MYH9: variants seen among roughly 807,000 people sequenced by gnomAD.
The protein encoded by MYH9 is myosin-9.
In MYH9, 29 loss-of-function variants were observed where a neutral mutation model predicts 241.9. The observed-to-expected ratio is 0.12, with a 90% CI of 0.09 to 0.16. MYH9 has a LOEUF of 0.16. MYH9 is among the 10% of genes least tolerant of loss of function. The pLI is 1.00. For missense variants in MYH9, 1,803 were observed against 2,595.5 expected (o/e 0.69, Z 6.63); for synonymous variants, 1,047 against 1,062.6 (o/e 0.99, Z 0.29).
intron 1 of MYH9, among the ~76,000 whole-genome samples, chr22:36,380,053 C>A (rs1426312459): frequency 2.0e-5 from 3 of 152,214 alleles, no homozygotes; most frequent in Non-Finnish European, 4.4e-5. Flanking sequence ...GGCCGCCCGC[C>A]CATGCAGTGG....
intron 2 of MYH9, among the ~76,000 whole-genome samples, chr22:36,348,508 CA>C (rs11367901): frequency 0.86 from 114,647 of 132,960 alleles, 51,203 homozygotes; most frequent in East Asian, 1. Flanking sequence ...GACTCCGTCT[CA>C]AAAAAAAAAA....
At chr22:36,301,760 A>G (rs892422083) in intron 20 of MYH9, 95 bp from the exon 21 acceptor site, 153 of 1,534,446 alleles carry the variant, frequency 1.0e-4, no homozygotes, top group Non-Finnish European at 1.3e-4. Context: ...TGGAAACATG[A>G]AAGTGAGGGG....
At chr22:36,313,357 C>G (rs1394027596) in intron 13 of MYH9, among the ~76,000 whole-genome samples, 1 of 145,782 alleles carries the variant, frequency 6.9e-6, no homozygotes, top group Non-Finnish European at 1.5e-5. Flanking sequence ...GAGGCTGAGG[C>G]AGGAGAATGG....
At position 36,294,205 on chromosome 22, in the gene MYH9, C is replaced by T. The variant is rs1406322860; in HGVS notation, c.3724G>A (p.Asp1242Asn). 1 of 1,613,938 alleles carries T rather than the reference C, an allele frequency of 6.2e-7. No individual in the cohort carries two copies. The highest frequency in any genetic ancestry group is 2.2e-5 in the East Asian group (1 of 44,888). The change falls in exon 28 of 41, where the codon GAC (aspartate) becomes AAC (asparagine). Residue 1242 changes from aspartate (D) to asparagine (N), a missense_variant. Asp to Asn is a conservative substitution (Grantham distance 23). Coordinates refer to ENST00000216181, the MANE Select transcript of MYH9 (RefSeq NM_002473.6). The part of the protein sequence containing the change: ...EVKVLLQGKG[D>N]SEHKRKKVEA... ...ACTTTCTTGCGCTTGTGCTCCGAGT[C>T]CCCTTTGCCCTGCAGCAGCACCTTC...
Position 36,330,793 on chromosome 22 carries a change from C to T in MYH9, c.491-3305G>A, listed in dbSNP as rs1014657455. Among the ~76,000 whole-genome samples the T allele has an allele frequency of 3.3e-5, 5 of 151,990 alleles. No individual in the cohort carries two copies. The highest frequency in any genetic ancestry group is 2.1e-4 in the South Asian group (1 of 4,826). ...TAAGGACTGAAGGCTTATTTGAAAA[C>T]GCCCTTCCTTCCTCTAAACGGGAGG... On this transcript the variant is annotated intron_variant, in intron 3 of 40. Coordinates refer to ENST00000216181, the MANE Select transcript of MYH9 (RefSeq NM_002473.6). This position sits in a 1 kb window ranked among gnomAD's most constrained non-coding sequence, Gnocchi z 4.5.
rs112996252 is a variant in MYH9 at position 36,308,431 on chromosome 22, AT to A, written c.1843+850del. 2.2e-3 allele frequency among the ~76,000 whole-genome samples: 317 copies of A among 143,234 alleles called. 1 individual carries two copies. Among genetic ancestry groups the A allele is most frequent in the South Asian group, 2.5e-3 (11 of 4,478 alleles). 94.0% of individuals were successfully genotyped at this position (143,234 alleles called of 152,430 possible). ...AGGCATGCACCATCACACCCAGCTG[AT>A]TTTTTTTTTTTTAATTTTTTTGTAG... On this transcript the variant is annotated intron_variant, in intron 15 of 40. Transcript: ENST00000216181.
chr22:36,341,568 G>T, intron 2 of MYH9, 42 bp from the exon 3 acceptor site: 1 of 1,606,832 alleles, frequency 6.2e-7, no homozygotes. Flanking sequence ...TAGGAAGTTT[G>T]ATTCTCAGTA....
In MYH9 at chr22:36,331,861, A is replaced by T. The variant is rs578008161; in HGVS notation, c.491-4373T>A. Among the ~76,000 whole-genome samples, 218 of 152,354 alleles carry T rather than the reference A, an allele frequency of 1.4e-3. 1 individual carries two copies. Among genetic ancestry groups the T allele is most frequent in the African/African-American group, 5.1e-3 (211 of 41,582 alleles). Reference sequence around the variant, plus strand: ...GGGCCAAGAAAGAAAAACAGGAAAAAGGGCAGTTTCAGGTTGGACAACATG... The same window carrying T: ...GGGCCAAGAAAGAAAAACAGGAAAATGGGCAGTTTCAGGTTGGACAACATG... On this transcript the variant is annotated intron_variant, in intron 3 of 40. Transcript: ENST00000216181.
intron 30 of MYH9, among the ~76,000 whole-genome samples, chr22:36,292,522 G>A (rs777022685): frequency 1.3e-5 from 2 of 152,206 alleles, no homozygotes; most frequent in Non-Finnish European, 2.9e-5. Context: ...TTGCTCTACG[G>A]AGACTGCTCC....
intron 10 of MYH9, among the ~76,000 whole-genome samples, chr22:36,318,815 G>A (rs2017202489): frequency 6.6e-6 from 1 of 152,034 alleles, no homozygotes; most frequent in South Asian, 2.1e-4. Context: ...CCAGGCTGGA[G>A]TGCAGTGGCG....
intron 1 of MYH9, among the ~76,000 whole-genome samples, chr22:36,359,442 C>T (rs2017902586): frequency 6.6e-6 from 1 of 152,174 alleles, no homozygotes; most frequent in South Asian, 2.1e-4. Context: ...AAGTTGAAAC[C>T]ACACACGCGT....
chr22:36,288,897 C>T lies in MYH9; in HGVS notation c.4600G>A (p.Val1534Met), dbSNP rs11549909. ...EKSKRALEQQ[V>M]EEMKTQLEEL... The stretch of plus-strand genomic sequence containing the variant: ...TCCAGCTGCGTCTTCATCTCCTCCA[C>T]CTGCTGCTCTAGGGCCCGCTTGGAC... Residue 1534 changes from valine to methionine, a missense_variant, in exon 33 of 41, where the codon GTG becomes ATG. By Grantham distance (21) the Val-to-Met change is conservative (BLOSUM62 1). This residue lies in a region of MYH9 where 876 missense variants were observed against 1,077.8 expected (regional missense o/e 0.81). Coordinates refer to ENST00000216181, the MANE Select transcript of MYH9 (RefSeq NM_002473.6). This position sits in a 1 kb window ranked among gnomAD's most constrained non-coding sequence, Gnocchi z 4.8. 19 of 1,614,154 alleles carry T rather than the reference C, an allele frequency of 1.2e-5. No homozygotes were observed. The highest frequency in any genetic ancestry group is 1.1e-4 in the South Asian group (10 of 91,086).
Position 36,295,793 on chromosome 22 carries a change from G to A in MYH9, c.3273-76C>T. 1 of 1,389,844 alleles carries A rather than the reference G, an allele frequency of 7.2e-7. No homozygotes were observed. The highest frequency in any genetic ancestry group is 1.9e-5 in the Admixed American group (1 of 52,338). The allele number at this position is 1,389,844 out of a possible 1,614,324, so 86.1% of individuals were successfully genotyped here. A position where few individuals can be genotyped will look rare whatever the true frequency, so the allele number is the denominator to read the frequency against. ...AGCAGAGTTTGCAGGACAGGCCTGA[G>A]AGAGCTGCAGCAGCCAAAGCTGCCT... On this transcript the variant is annotated intron_variant, in intron 25 of 40. Coordinates refer to ENST00000216181, the MANE Select transcript of MYH9 (RefSeq NM_002473.6). This position sits in a 1 kb window ranked among gnomAD's most constrained non-coding sequence, Gnocchi z 4.1.
At position 36,291,994 on chromosome 22, in the gene MYH9, ACTT is replaced by A. The variant is rs889313598; in HGVS notation, c.4333_4335del (p.Lys1445del). ...GGCCAACGGCCACACACCTGGTCAA[ACTT>A]CTTCTGCTTCTTCTCCAGGTTGCAC... On this transcript the variant is annotated inframe_deletion, in exon 31 of 41. Transcript: ENST00000216181. 4 of 1,614,056 alleles carry A rather than the reference ACTT, an allele frequency of 2.5e-6. No individual in the cohort carries two copies. Among genetic ancestry groups the A allele is most frequent in the Non-Finnish European group, 3.4e-6 (4 of 1,180,040 alleles).
chr22:36,322,670 TCCAA>T (rs1394087823), intron 5 of MYH9, 149 bp from the exon 6 acceptor site: 1 of 751,890 alleles, frequency 1.3e-6, no homozygotes, highest in Non-Finnish European at 2.3e-6. Flanking sequence ...AGTGTGCGAC[TCCAA>T]CCAAGGCCAG....
At chr22:36,380,749 GA>G (rs2018245135) in intron 1 of MYH9, among the ~76,000 whole-genome samples, 1 of 105,346 alleles carries the variant, frequency 9.5e-6, no homozygotes, top group African/African-American at 4.5e-5. Flanking sequence ...TCCAAAAAAA[GA>G]AAAGAAAAGA....
chr22:36,341,540 C>CGGCAGATAGGAACAGGTTAGGAA lies in MYH9; in HGVS notation c.334-37_334-15dup. 1 of 1,613,132 alleles carries CGGCAGATAGGAACAGGTTAGGAA rather than the reference C, an allele frequency of 6.2e-7. No homozygotes were observed. The highest frequency in any genetic ancestry group is 8.5e-7 in the Non-Finnish European group (1 of 1,179,766). ...GCCTGAATAGGTCTAAAGAAAAGAG[C>CGGCAGATAGGAACAGGTTAGGAA]GGCAGATAGGAACAGGTTAGGAAGT... On this transcript the variant is annotated splice_polypyrimidine_tract_variant and intron_variant, in intron 2 of 40. Coordinates refer to ENST00000216181, the MANE Select transcript of MYH9 (RefSeq NM_002473.6).
chr22:36,352,726 G>A (rs911210114), intron 1 of MYH9, among the ~76,000 whole-genome samples: 1 of 152,214 alleles, frequency 6.6e-6, no homozygotes, highest in African/African-American at 2.4e-5. Context: ...TCTTGCAAGA[G>A]GAAGAGAGAA....
chr22:36,285,123 G>C lies in MYH9; in HGVS notation c.5481C>G (p.Thr1827=), dbSNP rs1277960857. ...TGGGCGGGGCCAGGGGCACGTACTTGGTCTCGTTGTCCAGCTGCTCCTCCA... is the reference window on the plus strand; with the variant it reads ...TGGGCGGGGCCAGGGGCACGTACTTCGTCTCGTTGTCCAGCTGCTCCTCCA... ...AQLEEQLDNE[T]KERQAACKQV... is the part of the protein sequence containing the mutation. Residue 1827 remains threonine, a splice_region_variant and synonymous_variant, in exon 38 of 41, where the codon ACC becomes ACG. Transcript: ENST00000216181. This position sits in a 1 kb window ranked among gnomAD's most constrained non-coding sequence, Gnocchi z 7.0. 1.9e-6 allele frequency: 3 copies of C among 1,613,850 alleles called. No homozygotes were observed. Among genetic ancestry groups the C allele is most frequent in the South Asian group, 1.1e-5 (1 of 91,062 alleles).
Sources: allele counts gnomAD v4.1 joint callset (sites outside exome capture counted in the v4.1 genomes callset), GRCh38; gene constraint gnomAD v4.1.1; regional missense constraint gnomAD v4.1.1; non-coding constraint Gnocchi (gnomAD v3.1); transcripts MANE v1.5; gene names NCBI Gene and HGNC (gene_info 2026-07-23, HGNC 2026-07-21).